MYO18B: variants seen among roughly 807,000 people sequenced by gnomAD.
MYO18B encodes myosin XVIIIB.
MYO18B carries 204 observed loss-of-function variants against 273.0 expected under a neutral mutation model. The observed-to-expected ratio is 0.75, with a 90% CI of 0.67 to 0.84. MYO18B has a LOEUF of 0.84. MYO18B is among the 40% of genes least tolerant of loss of function. The pLI, the probability that MYO18B is intolerant of heterozygous loss-of-function variation, is 0.00. For synonymous variants in MYO18B, 1,330 were observed against 1,305.7 expected (o/e 1.02, Z -0.40); for missense variants, 3,212 against 3,287.6 (o/e 0.98, Z 0.56).
intron 33 of MYO18B, among the ~76,000 whole-genome samples, chr22:25,920,661 A>G (rs538647956): frequency 7.2e-5 from 11 of 152,380 alleles, no homozygotes; most frequent in Admixed American, 4.6e-4. Flanking sequence ...TTGACTTCAA[A>G]AGGAGCACAT....
chr22:25,924,614 G>T (rs530688202), intron 34 of MYO18B, among the ~76,000 whole-genome samples: 1 of 152,350 alleles, frequency 6.6e-6, no homozygotes, highest in South Asian at 2.1e-4. Flanking sequence ...GGGAGAAGGA[G>T]AAATAGGCAG....
chr22:25,873,664 T>C (rs1224525861), intron 22 of MYO18B, among the ~76,000 whole-genome samples: 1 of 152,208 alleles, frequency 6.6e-6, no homozygotes, highest in Non-Finnish European at 1.5e-5. Flanking sequence ...GGTCTCGAAC[T>C]CCTGACCTCA....
At chr22:26,008,812 G>T (rs1057065500) in intron 42 of MYO18B, among the ~76,000 whole-genome samples, 1 of 152,150 alleles carries the variant, frequency 6.6e-6, no homozygotes, top group Non-Finnish European at 1.5e-5. Flanking sequence ...TCTCCTTCTC[G>T]CTCTCCTTCC....
chr22:25,787,086 A>G (rs1419940699), intron 11 of MYO18B, among the ~76,000 whole-genome samples: 1 of 152,078 alleles, frequency 6.6e-6, no homozygotes, highest in East Asian at 1.9e-4. Flanking sequence ...GTGGTGGCAC[A>G]TGCCTGTAGT....
At chr22:25,973,377 T>C (rs1358674572) in intron 39 of MYO18B, among the ~76,000 whole-genome samples, 1 of 152,240 alleles carries the variant, frequency 6.6e-6, no homozygotes, top group African/African-American at 2.4e-5. Context: ...CTTCAGACCA[T>C]AGAAATATAG....
the MYO18B span, among the ~76,000 whole-genome samples, chr22:26,038,547 G>A: frequency 6.6e-6 from 1 of 152,144 alleles, no homozygotes; most frequent in Non-Finnish European, 1.5e-5. Context: ...CCAAAGTCCA[G>A]GGTCTCTGGC....
At chr22:25,778,276 A>G (rs145137293) in intron 8 of MYO18B, among the ~76,000 whole-genome samples, 2,488 of 127,110 alleles carry the variant, frequency 0.02, 33 homozygotes, top group Non-Finnish European at 0.03. Context: ...ATGTTCTTCA[A>G]AAAGTGCTGG....
intron 19 of MYO18B, among the ~76,000 whole-genome samples, chr22:25,846,511 T>C (rs2090252144): frequency 6.6e-6 from 1 of 152,226 alleles, no homozygotes; most frequent in African/African-American, 2.4e-5. Flanking sequence ...GGCCTAAGCC[T>C]GTGCTGCTTG....
the MYO18B span, among the ~76,000 whole-genome samples, chr22:26,046,983 G>A: frequency 6.6e-6 from 1 of 152,124 alleles, no homozygotes; most frequent in Non-Finnish European, 1.5e-5. Flanking sequence ...GCCTCCACAT[G>A]GCTGCTTAGG....
At chr22:25,832,786 A>C in intron 15 of MYO18B, 131 bp from the exon 16 acceptor site, 3 of 677,454 alleles carry the variant, frequency 4.4e-6, no homozygotes, top group Admixed American at 3.6e-5. Flanking sequence ...CTTTTGCCAA[A>C]ATTTAAAAAA....
At chr22:25,933,621 G>T (rs796291928) in intron 34 of MYO18B, among the ~76,000 whole-genome samples, 46 of 152,286 alleles carry the variant, frequency 3.0e-4, no homozygotes, top group African/African-American at 9.4e-4. Context: ...AAAAGTAATG[G>T]CATTAAATTA....
intron 27 of MYO18B, chr22:25,892,578 TTCCC>T (rs1018336924): frequency 8.5e-5 from 13 of 152,346 alleles, no homozygotes; most frequent in African/African-American, 2.2e-4. Context: ...GTCAGCATTA[TTCCC>T]TCCGTGTGTC....
chr22:25,985,782 A>G (rs2093196129), intron 39 of MYO18B, among the ~76,000 whole-genome samples: 1 of 152,018 alleles, frequency 6.6e-6, no homozygotes, highest in African/African-American at 2.4e-5. Flanking sequence ...GGTGCATGCC[A>G]CCACACTCGG....
chr22:26,055,585 G>A, the MYO18B span, among the ~76,000 whole-genome samples: 1 of 152,196 alleles, frequency 6.6e-6, no homozygotes, highest in Non-Finnish European at 1.5e-5. Context: ...AGTGGTGTTT[G>A]AAAAGAGAAC....
chr22:25,950,384 G>T lies in MYO18B; in HGVS notation c.5766G>T (p.Gly1922=). Residue 1922 remains glycine (G), a synonymous_variant, in exon 37 of 44, where the codon GGG becomes GGT. Coordinates refer to ENST00000335473, the MANE Select transcript of MYO18B (RefSeq NM_032608.7). ...CTCACCAGTCTGCTGCTGACATTGGGCAGATCCAAGAACTGCAGCTGCAGC... is the reference window on the plus strand; with the variant it reads ...CTCACCAGTCTGCTGCTGACATTGGTCAGATCCAAGAACTGCAGCTGCAGC... ...DLIAQSAADI[G]QIQELQLQLE... 1 of 1,604,922 alleles carries T rather than the reference G, an allele frequency of 6.2e-7. No homozygotes were observed. The highest frequency in any genetic ancestry group is 8.5e-7 in the Non-Finnish European group (1 of 1,175,670).
In MYO18B at chr22:25,955,262, G is replaced by A; in HGVS notation, c.6054G>A (p.Arg2018=). The A allele has an allele frequency of 6.2e-7, 1 of 1,613,762 alleles. No homozygotes were observed. ...CGGCCACCTCCGAGTCCCAGCAGCG[G>A]GAGAGCAGCCAGTACTACCAGCGGC... ...SQAATSESQQ[R]ESSQYYQRRL... Residue 2018 remains arginine, a synonymous_variant, in exon 39 of 44, where the codon CGG becomes CGA. Coordinates refer to ENST00000335473, the MANE Select transcript of MYO18B (RefSeq NM_032608.7).
chr22:25,838,489 T>C (rs2089974146), intron 17 of MYO18B, among the ~76,000 whole-genome samples: 1 of 152,230 alleles, frequency 6.6e-6, no homozygotes, highest in Non-Finnish European at 1.5e-5. Flanking sequence ...CACACAGTCA[T>C]GCACCACATA....
intron 12 of MYO18B, among the ~76,000 whole-genome samples, chr22:25,804,719 C>A (rs930256560): frequency 6.6e-6 from 1 of 152,224 alleles, no homozygotes; most frequent in Admixed American, 6.5e-5. Context: ...TTGTCCAGGG[C>A]AACTGTACTT....
In MYO18B at chr22:26,015,392, A is replaced by C. The variant is rs575486810; in HGVS notation, c.6470+10537A>C. Among the ~76,000 whole-genome samples, 4 of 152,338 alleles carry C rather than the reference A, an allele frequency of 2.6e-5. No individual in the cohort carries two copies. The South Asian group carries it at 8.3e-4, about 32-fold the overall frequency. The stretch of plus-strand genomic sequence containing the variant: ...ACCATTCACAATAGCAAAGACATGG[A>C]ATCAACTTAAATGCCCATCAATGGT... On this transcript the variant is annotated intron_variant, in intron 42 of 43. Coordinates refer to ENST00000335473, the MANE Select transcript of MYO18B (RefSeq NM_032608.7).
Sources: gnomAD v4.1 joint callset for allele counts (sites outside exome capture counted in the v4.1 genomes callset) on GRCh38, gnomAD v4.1.1 for gene constraint, MANE v1.5 for transcripts, NCBI Gene and HGNC (gene_info 2026-07-23, HGNC 2026-07-21) for gene names.